DAB2: variants seen among roughly 807,000 people sequenced by gnomAD.
DAB2 encodes the protein DAB adaptor protein 2, also known as disabled homolog 2.
A neutral mutation model predicts 71.6 loss-of-function variants in DAB2; 28 were observed. That is an observed-to-expected ratio of 0.39 (90% CI 0.29 to 0.54). The LOEUF (loss-of-function observed/expected upper bound fraction) is 0.54, where lower values mean the gene tolerates loss of function less well. Among genes scored for constraint, DAB2 ranks in the 20% least tolerant of loss-of-function variants. The pLI is 0.68. For missense variants in DAB2, 867 were observed against 928.8 expected (o/e 0.93, Z 0.86); for synonymous variants, 345 against 339.7 (o/e 1.02, Z -0.17).
chr5:39,405,477 T>C (rs1755590266), intron 1 of DAB2, among the ~76,000 whole-genome samples: 1 of 152,242 alleles, frequency 6.6e-6, no homozygotes, highest in South Asian at 2.1e-4. Context: ...ATTTCTGTCA[T>C]TGCCTTACAT....
Position 39,381,454 on chromosome 5 carries a change from C to T in DAB2, c.1504G>A (p.Gly502Ser). The stretch of plus-strand genomic sequence containing the variant: ...CTTAATTTTATCTCTAGGCACCTAC[C>T]TAGACCCACCAGGGGCCCCACTGGG... Reference protein sequence around the residue: ...PAPVGPLVGLGGVTVTLPQAG... With the variant: ...PAPVGPLVGLSGVTVTLPQAG... The change falls in exon 11 of 15, where the codon GGT becomes AGT. Residue 502 changes from glycine to serine, a missense_variant and splice_region_variant. Physicochemically the swap from Gly to Ser is moderately conservative, Grantham distance 56. Transcript: ENST00000320816. The T allele has an allele frequency of 6.2e-7, 1 of 1,613,792 alleles. No homozygotes were observed. Among genetic ancestry groups the T allele is most frequent in the Non-Finnish European group, 8.5e-7 (1 of 1,179,874 alleles).
rs1340640010 is a variant in DAB2 at position 39,382,855 on chromosome 5, A to G, written c.1104T>C (p.Ser368=). The stretch of plus-strand genomic sequence containing the variant: ...TTCTCACTGCTGGCTGGGTTTGCGA[A>G]CTTGAAAAGGGCCATGGGCCTGCCT... ...EAQAGPWPFS[S]SQTQPAVRTQ... The change falls in exon 10 of 15, where the codon AGT becomes AGC. Residue 368 remains serine (S), a synonymous_variant. Transcript: ENST00000320816. 1.9e-6 allele frequency: 3 copies of G among 1,614,082 alleles called. No individual in the cohort carries two copies. The highest frequency in any genetic ancestry group is 2.5e-6 in the Non-Finnish European group (3 of 1,180,016).
Position 39,372,068 on chromosome 5 carries a change from T to G in DAB2, c.*1363A>C, listed in dbSNP as rs541798592. On this transcript the variant is annotated 3_prime_UTR_variant, in exon 15 of 15. Coordinates refer to ENST00000320816, the MANE Select transcript of DAB2 (RefSeq NM_001343.4). ...GTAACATTGGATGTGGCTGATTAAC[T>G]CCCACAAGAACCTGAGCATTAAGGG... 1.3e-5 allele frequency: 2 copies of G among 152,118 alleles called. No homozygotes were observed. Among genetic ancestry groups the G allele is most frequent in the South Asian group, 2.1e-4 (1 of 4,804 alleles). 9.4% of individuals were successfully genotyped at this position (152,118 alleles called of 1,614,324 possible). A position where few individuals can be genotyped will look rare whatever the true frequency, so the allele number is the denominator to read the frequency against.
At chr5:39,407,803 T>C (rs1175937157) in intron 1 of DAB2, among the ~76,000 whole-genome samples, 2 of 152,210 alleles carry the variant, frequency 1.3e-5, no homozygotes, top group Non-Finnish European at 2.9e-5. Flanking sequence ...GAAGAGTTTT[T>C]AAAAAGCATG....
At chr5:39,417,298 AT>A (rs1272426302) in intron 1 of DAB2, 7 of 124,938 alleles carry the variant, frequency 5.6e-5, no homozygotes, top group East Asian at 2.0e-4. Flanking sequence ...AAGTATAAAA[AT>A]AAAAAAAAAA....
intron 9 of DAB2, among the ~76,000 whole-genome samples, chr5:39,386,712 G>GC (rs1755106111): frequency 6.6e-6 from 1 of 152,068 alleles, no homozygotes. Flanking sequence ...GATTATATAG[G>GC]CAGTACTTCC....
intron 1 of DAB2, among the ~76,000 whole-genome samples, chr5:39,399,442 G>A (rs976075820): frequency 6.6e-6 from 1 of 152,140 alleles, no homozygotes; most frequent in Non-Finnish European, 1.5e-5. Context: ...AAAAACAAAG[G>A]AAGATCTAAA....
At chr5:39,414,887 G>C (rs898121484) in intron 1 of DAB2, among the ~76,000 whole-genome samples, 1 of 151,976 alleles carries the variant, frequency 6.6e-6, no homozygotes, top group Non-Finnish European at 1.5e-5. Context: ...CCTACTATTT[G>C]CCAAGCACTG....
intron 1 of DAB2, among the ~76,000 whole-genome samples, chr5:39,400,106 G>T (rs921197398): frequency 6.6e-6 from 1 of 152,186 alleles, no homozygotes; most frequent in Non-Finnish European, 1.5e-5. Context: ...TAAGGACTTA[G>T]TGGTAGCCCC....
In DAB2 at chr5:39,381,444, A is replaced by G. The variant is rs1754978152; in HGVS notation, c.1504+10T>C. The stretch of plus-strand genomic sequence containing the variant: ...AAGAGTCATACTTAATTTTATCTCT[A>G]GGCACCTACCTAGACCCACCAGGGG... On this transcript the variant is annotated intron_variant, in intron 11 of 14. Transcript: ENST00000320816. The G allele has an allele frequency of 6.2e-7, 1 of 1,609,444 alleles. No individual in the cohort carries two copies. The highest frequency in any genetic ancestry group is 1.3e-5 in the African/African-American group (1 of 74,690).
intron 1 of DAB2, among the ~76,000 whole-genome samples, chr5:39,403,179 G>C (rs1314865303): frequency 1.3e-5 from 2 of 152,178 alleles, no homozygotes; most frequent in Admixed American, 6.5e-5. Context: ...AAGAAAAATA[G>C]AGAATAATTT....
chr5:39,381,743 T>C, intron 10 of DAB2, 127 bp from the exon 11 acceptor site: 1 of 906,064 alleles, frequency 1.1e-6, no homozygotes, highest in South Asian at 1.8e-5. Flanking sequence ...TCTTGACAGA[T>C]GAACAACAAC....
intron 1 of DAB2, chr5:39,408,511 T>C (rs534344240): frequency 6.6e-6 from 1 of 152,296 alleles, no homozygotes; most frequent in Non-Finnish European, 1.5e-5. Context: ...TCCAGGAATA[T>C]TGGTGGCCTT....
At chr5:39,402,122 G>C (rs1755517992) in intron 1 of DAB2, among the ~76,000 whole-genome samples, 1 of 152,040 alleles carries the variant, frequency 6.6e-6, no homozygotes, top group Non-Finnish European at 1.5e-5. Flanking sequence ...TCACTACCAA[G>C]AGAACAGTAT....
intron 1 of DAB2, among the ~76,000 whole-genome samples, chr5:39,423,027 G>A (rs1190749244): frequency 6.6e-6 from 1 of 152,136 alleles, no homozygotes; most frequent in East Asian, 1.9e-4. Flanking sequence ...AAATACATAC[G>A]TGTATGGGCT....
At chr5:39,379,097 T>C (rs1470110952) in intron 11 of DAB2, among the ~76,000 whole-genome samples, 1 of 152,214 alleles carries the variant, frequency 6.6e-6, no homozygotes, top group Non-Finnish European at 1.5e-5. Flanking sequence ...TCATCTTTCA[T>C]GTTGGACAAC....
At chr5:39,387,484 G>A (rs78636558) in intron 9 of DAB2, among the ~76,000 whole-genome samples, 4,375 of 152,142 alleles carry the variant, frequency 0.029, 77 homozygotes, top group Non-Finnish European at 0.043. Flanking sequence ...TCTCCCTGCC[G>A]GAGAGTAAAT....
chr5:39,381,553 G>C lies in DAB2; in HGVS notation c.1405C>G (p.Gln469Glu), dbSNP rs1267139239. The change falls in exon 11 of 15, where the codon CAG (glutamine) becomes GAG (glutamate). Residue 469 changes from glutamine to glutamate, a missense_variant. Around this residue, in one of 2 missense-constraint regions of DAB2, gnomAD observed 740 missense variants for 734.3 expected, o/e 1.01. Coordinates refer to ENST00000320816, the MANE Select transcript of DAB2 (RefSeq NM_001343.4). ...GTAGGTTGTCCTGTGGGTGACGCCT[G>C]GCCTGAAGGTTCTGAGACGGGAGGA... is the stretch of plus-strand genomic sequence containing the variant. ...FAPPVSEPSGQASPTGQPTAL... is the reference protein window; with the variant it reads ...FAPPVSEPSGEASPTGQPTAL... 5 of 1,613,976 alleles carry C rather than the reference G, an allele frequency of 3.1e-6. No individual in the cohort carries two copies. The African/African-American group carries it at 6.7e-5, about 22-fold the overall frequency.
Position 39,377,944 on chromosome 5 carries a change from C to T in DAB2, c.1505-662G>A, listed in dbSNP as rs1056441626. ...TGGCCAATGCCAAGATAGTTTTAGA[C>T]GTTTATATATAAAAATGGAAGAAAG... On this transcript the variant is annotated intron_variant, in intron 11 of 14. Coordinates refer to ENST00000320816, the MANE Select transcript of DAB2 (RefSeq NM_001343.4). Among the ~76,000 whole-genome samples, 22 of 152,226 alleles carry T rather than the reference C, an allele frequency of 1.4e-4. No individual in the cohort carries two copies. The East Asian group carries it at 2.1e-3, about 15-fold the overall frequency.
Sources: allele counts gnomAD v4.1 joint callset (sites outside exome capture counted in the v4.1 genomes callset), GRCh38; gene constraint gnomAD v4.1.1; regional missense constraint gnomAD v4.1.1; transcripts MANE v1.5; gene names NCBI Gene and HGNC (gene_info 2026-07-23, HGNC 2026-07-21).